ZMYND8: variants seen among roughly 807,000 people sequenced by gnomAD.
ZMYND8 encodes the protein zinc finger MYND-type containing 8, also known as MYND-type zinc finger-containing chromatin reader ZMYND8.
ZMYND8 carries 37 observed loss-of-function variants against 140.8 expected under a neutral mutation model. The ratio of observed to expected loss-of-function variants is 0.26; its 90% confidence interval spans 0.20 to 0.35. The LOEUF (loss-of-function observed/expected upper bound fraction) is 0.35, where lower values mean the gene tolerates loss of function less well. ZMYND8 is among the 10% of genes least tolerant of loss of function. ZMYND8 has a pLI of 1.00. For synonymous variants in ZMYND8, 592 were observed against 597.1 expected, an observed-to-expected ratio of 0.99 and a Z score of 0.12; for missense variants, 1,068 against 1,570.0, an observed-to-expected ratio of 0.68 and a Z score of 5.40.
rs2077166436 is a variant in ZMYND8 at position 47,290,169 on chromosome 20, G to A, written c.748+18C>T. Reference sequence around the variant, plus strand: ...ATACACAGCATACTCTTTCTTAGGAGTCATCTAAGCCACTCACCCCCATTA... The same window carrying A: ...ATACACAGCATACTCTTTCTTAGGAATCATCTAAGCCACTCACCCCCATTA... On this transcript the variant is annotated intron_variant, in intron 7 of 22. Transcript: ENST00000471951. 3.1e-6 allele frequency: 5 copies of A among 1,609,580 alleles called. No homozygotes were observed. Among genetic ancestry groups the A allele is most frequent in the Non-Finnish European group, 3.4e-6 (4 of 1,177,670 alleles).
At chr20:47,265,817 A>T (rs1241128183) in intron 11 of ZMYND8, among the ~76,000 whole-genome samples, 1 of 152,216 alleles carries the variant, frequency 6.6e-6, no homozygotes, top group Non-Finnish European at 1.5e-5. Flanking sequence ...AATTTGATAG[A>T]TCTATTTCCT....
At chr20:47,277,980 T>G (rs932492659) in intron 10 of ZMYND8, among the ~76,000 whole-genome samples, 1 of 151,976 alleles carries the variant, frequency 6.6e-6, no homozygotes, top group South Asian at 2.1e-4. Flanking sequence ...CTTTTTTGCT[T>G]GTTTTTTTAA....
intron 2 of ZMYND8, among the ~76,000 whole-genome samples, chr20:47,313,434 A>ATTT (rs2079110680): frequency 6.6e-6 from 1 of 151,492 alleles, no homozygotes; most frequent in South Asian, 2.1e-4. Flanking sequence ...CATCCTGGCT[A>ATTT]ACATGGTGAA....
At chr20:47,230,745 C>T (rs1280387189) in intron 16 of ZMYND8, among the ~76,000 whole-genome samples, 1 of 152,140 alleles carries the variant, frequency 6.6e-6, no homozygotes, top group Admixed American at 6.5e-5. Context: ...CTTTTAGTAC[C>T]TCAGAGTTGT....
chr20:47,298,954 T>C lies in ZMYND8; in HGVS notation c.235-7A>G, dbSNP rs1569134902. The C allele has an allele frequency of 3.1e-6, 5 of 1,612,820 alleles. No individual in the cohort carries two copies. Among genetic ancestry groups the C allele is most frequent in the Non-Finnish European group, 4.2e-6 (5 of 1,178,848 alleles). On this transcript the variant is annotated splice_region_variant and splice_polypyrimidine_tract_variant and intron_variant, in intron 3 of 22. Transcript: ENST00000471951. This position sits in a 1 kb window ranked among gnomAD's most constrained non-coding sequence, Gnocchi z 5.0. ...GACCATGTCTTAGTTCTGACTGAAA[T>C]GTAGGCAAAAAGACAGGTTTGGTTT...
rs556738803 is a variant in ZMYND8 at position 47,210,587 on chromosome 20, G to A, written c.*174C>T. The A allele has an allele frequency of 1.1e-5, 10 of 894,542 alleles. No homozygotes were observed. Among genetic ancestry groups the A allele is most frequent in the East Asian group, 7.4e-5 (3 of 40,342 alleles). 55.4% of individuals were successfully genotyped at this position (894,542 alleles called of 1,614,324 possible). A position where few individuals can be genotyped will look rare whatever the true frequency, so the allele number is the denominator to read the frequency against. On this transcript the variant is annotated 3_prime_UTR_variant, in exon 23 of 23. Transcript: ENST00000471951. ...GGGTGAACAGTCTGCAGTCAAAGCC[G>A]ATGCTGGGTGTCCTGTAGTGTAGCA...
At chr20:47,216,706 CTGAGGCAGGAGAATCACTTGAACCCA>C (rs1337828553) in intron 21 of ZMYND8, among the ~76,000 whole-genome samples, 1 of 151,962 alleles carries the variant, frequency 6.6e-6, no homozygotes, top group Non-Finnish European at 1.5e-5. Context: ...ACTCGGGAGG[CTGAGGCAGGAGAATCACTTGAACCCA>C]GGAGGCAGAG....
At chr20:47,347,271 G>T (rs2082414411) in intron 2 of ZMYND8, among the ~76,000 whole-genome samples, 1 of 152,172 alleles carries the variant, frequency 6.6e-6, no homozygotes, top group Non-Finnish European at 1.5e-5. Context: ...AAGACCAAAT[G>T]AAAAGTACCA....
At chr20:47,227,364 G>T in intron 17 of ZMYND8, 83 bp from the exon 18 acceptor site, 1 of 1,333,834 alleles carries the variant, frequency 7.5e-7, no homozygotes, top group Non-Finnish European at 1.1e-6. Flanking sequence ...ACGGCTGGCT[G>T]TGAGGGGTAT....
intron 21 of ZMYND8, among the ~76,000 whole-genome samples, chr20:47,215,507 CTT>C (rs35634467): frequency 1.3e-4 from 18 of 143,948 alleles, no homozygotes; most frequent in African/African-American, 1.8e-4. Context: ...AATGAAACAA[CTT>C]TTTTTTTTTT....
chr20:47,320,582 G>A (rs1469315901), intron 2 of ZMYND8: 1 of 152,260 alleles, frequency 6.6e-6, no homozygotes, highest in Non-Finnish European at 1.5e-5. Flanking sequence ...AGCCGGGTGT[G>A]GTGGCACACA....
intron 4 of ZMYND8, among the ~76,000 whole-genome samples, chr20:47,295,743 C>T (rs2077596615): frequency 6.6e-6 from 1 of 152,186 alleles, no homozygotes; most frequent in Non-Finnish European, 1.5e-5. Flanking sequence ...AGGGAAATTC[C>T]CATCAAAGAA....
intron 15 of ZMYND8, among the ~76,000 whole-genome samples, chr20:47,236,774 GCGAC>G (rs2039292293): frequency 6.6e-6 from 1 of 152,190 alleles, no homozygotes; most frequent in South Asian, 2.1e-4. Flanking sequence ...CCCTCTTAAA[GCGAC>G]TGCCTGGGAA....
intron 2 of ZMYND8, chr20:47,318,838 T>C (rs2079642428): frequency 1.4e-6 from 1 of 738,190 alleles, no homozygotes; most frequent in Non-Finnish European, 2.1e-6. Flanking sequence ...GAAATGAGGC[T>C]GTGGAATGAA....
At chr20:47,340,001 G>C (rs1337988921) in intron 2 of ZMYND8, among the ~76,000 whole-genome samples, 1 of 151,932 alleles carries the variant, frequency 6.6e-6, no homozygotes, top group Non-Finnish European at 1.5e-5. Flanking sequence ...GGAGTGCAGG[G>C]GCACGATCTC....
intron 16 of ZMYND8, among the ~76,000 whole-genome samples, chr20:47,235,992 C>T (rs2039183884): frequency 1.3e-5 from 2 of 152,228 alleles, no homozygotes. Context: ...GCAAACCAAA[C>T]CCCTGGTCAG....
chr20:47,231,452 T>C (rs2038470413), intron 16 of ZMYND8, among the ~76,000 whole-genome samples: 1 of 152,198 alleles, frequency 6.6e-6, no homozygotes. Context: ...GCACGAGGAT[T>C]AAATGAAAAA....
At chr20:47,293,732 C>T (rs2077450376) in intron 5 of ZMYND8, among the ~76,000 whole-genome samples, 2 of 152,224 alleles carry the variant, frequency 1.3e-5, no homozygotes, top group South Asian at 4.2e-4. Context: ...ATTTTCAATC[C>T]CCCTCAACGT....
At chr20:47,239,625 A>G (rs1255181402) in intron 14 of ZMYND8, among the ~76,000 whole-genome samples, 2 of 152,208 alleles carry the variant, frequency 1.3e-5, no homozygotes, top group East Asian at 3.9e-4. Flanking sequence ...TGGCCTCCCA[A>G]TGGCCAAAGC....
Sources: gnomAD v4.1 joint callset for allele counts (sites outside exome capture counted in the v4.1 genomes callset) on GRCh38, gnomAD v4.1.1 for gene constraint, Gnocchi (gnomAD v3.1) non-coding constraint, MANE v1.5 for transcripts, NCBI Gene and HGNC (gene_info 2026-07-23, HGNC 2026-07-21) for gene names.